The following RGL1 variants were observed in gnomAD, a reference collection of about 807,000 sequenced individuals.
RGL1 encodes ral guanine nucleotide dissociation stimulator-like 1.
In RGL1, 24 loss-of-function variants were observed where a neutral mutation model predicts 95.2. The observed-to-expected ratio is 0.25, with a 90% CI of 0.18 to 0.35. The LOEUF (loss-of-function observed/expected upper bound fraction) is 0.35, where lower values mean the gene tolerates loss of function less well. Among genes scored for constraint, RGL1 ranks in the 10% least tolerant of loss-of-function variants. RGL1 has a pLI of 1.00. For missense variants in RGL1, 715 were observed against 936.3 expected (o/e 0.76, Z 3.08); for synonymous variants, 329 against 344.9 (o/e 0.95, Z 0.51).
chr1:183,820,224 C>T (rs761871797), intron 2 of RGL1, among the ~76,000 whole-genome samples: 4 of 152,128 alleles, frequency 2.6e-5, no homozygotes, highest in Non-Finnish European at 5.9e-5. Flanking sequence ...TAGTTGCAAT[C>T]ATGCTATCTA....
At position 183,805,130 on chromosome 1, in the gene RGL1, T is replaced by TCG; in HGVS notation, c.-162_-161dup. The TCG allele has an allele frequency of 2.4e-6, 2 of 840,878 alleles. No individual in the cohort carries two copies. Among genetic ancestry groups the TCG allele is most frequent in the Non-Finnish European group, 3.2e-6 (2 of 617,124 alleles). The allele number at this position is 840,878 out of a possible 1,614,324, so 52.1% of individuals were successfully genotyped here. On this transcript the variant is annotated 5_prime_UTR_variant, in exon 1 of 18. Transcript: ENST00000360851. ...CGCCGCGCTCCCTTTGTGGCCCGAG[T>TCG]CGCGCGCACCGGCGGCGGCGGGGGC...
At position 183,780,042 on chromosome 1, in the gene RGL1, T is replaced by A. The variant is rs566389954; in HGVS notation, c.133-26333T>A. ...TTTATATAAAATACTTAGTGAGATA[T>A]AAAGGATATAGAATTTGATAAAACT... On this transcript the variant is annotated intron_variant, in intron 2 of 18. Coordinates refer to the RGL1 transcript ENST00000304685. Among the ~76,000 whole-genome samples, 6 of 152,342 alleles carry A rather than the reference T, an allele frequency of 3.9e-5. No homozygotes were observed. In the East Asian group the frequency reaches 5.8e-4, roughly 15 times the overall value.
At chr1:183,783,762 CAGG>C (rs1308504875) in intron 2 of RGL1, among the ~76,000 whole-genome samples, 3 of 152,094 alleles carry the variant, frequency 2.0e-5, no homozygotes, top group Non-Finnish European at 2.9e-5. Context: ...TAATGAGCCA[CAGG>C]AGTTCAGAGG....
chr1:183,713,400 G>C (rs1171535511), intron 1 of RGL1, among the ~76,000 whole-genome samples: 1 of 102,268 alleles, frequency 9.8e-6, no homozygotes, highest in Admixed American at 1.5e-4. Flanking sequence ...CTTTTATAAT[G>C]ACCCTTTTGA....
intron 8 of RGL1, among the ~76,000 whole-genome samples, chr1:183,889,913 A>G (rs956205227): frequency 3.3e-5 from 5 of 152,118 alleles, no homozygotes; most frequent in African/African-American, 1.2e-4. Flanking sequence ...TTTCTTCTCT[A>G]TTTTGAATAA....
chr1:183,648,791 T>C, intron 1 of RGL1: 1 of 1,567,616 alleles, frequency 6.4e-7, no homozygotes, highest in Non-Finnish European at 8.6e-7. Context: ...TTGCTAGATT[T>C]ACTGTCTTCT....
In RGL1 at chr1:183,819,776, A is replaced by G. The variant is rs547346018; in HGVS notation, c.138+13291A>G. ...CCATTCTTAAAAGAGTGTTGAAGCA[A>G]CATTATACTTTTTTTTTTTTTTTTA... On this transcript the variant is annotated intron_variant, in intron 2 of 17. Transcript: ENST00000360851. Among the ~76,000 whole-genome samples, 239 of 148,110 alleles carry G rather than the reference A, an allele frequency of 1.6e-3. 2 individuals carry two copies. The highest frequency in any genetic ancestry group is 5.4e-3 in the African/African-American group (222 of 41,152).
chr1:183,883,287 C>T (rs1246282890), intron 5 of RGL1, among the ~76,000 whole-genome samples: 5 of 152,192 alleles, frequency 3.3e-5, no homozygotes, highest in Non-Finnish European at 5.9e-5. Context: ...TGACTCTGAA[C>T]ATTTTGAGAA....
chr1:183,707,756 G>C (rs544302553), intron 1 of RGL1, among the ~76,000 whole-genome samples: 10 of 152,210 alleles, frequency 6.6e-5, no homozygotes, highest in African/African-American at 2.4e-4. Context: ...ATGGCAGCTG[G>C]GAAGATGGCG....
At position 183,926,470 on chromosome 1, in the gene RGL1, T is replaced by C; in HGVS notation, c.*178T>C. ...GCACCGTGGGGAAACTGGAAATGAA[T>C]TTGACATGAAAAGGATGAACGATTC... On this transcript the variant is annotated 3_prime_UTR_variant, in exon 18 of 18. Coordinates refer to ENST00000360851, the MANE Select transcript of RGL1 (RefSeq NM_001297671.3). 1 of 466,124 alleles carries C rather than the reference T, an allele frequency of 2.1e-6. No homozygotes were observed. Among genetic ancestry groups the C allele is most frequent in the African/African-American group, 2.0e-5 (1 of 50,174 alleles). The allele number at this position is 466,124 out of a possible 1,614,324, so 28.9% of individuals were successfully genotyped here.
At position 183,740,477 on chromosome 1, in the gene RGL1, G is replaced by T. The variant is rs142663076; in HGVS notation, c.-32-1649G>T. 5.3e-5 allele frequency among the ~76,000 whole-genome samples: 8 copies of T among 152,258 alleles called. No homozygotes were observed. The East Asian group carries it at 9.6e-4, about 18-fold the overall frequency. Reference sequence around the variant, plus strand: ...TGCAGATGATGATTTTCTTAAATCCGCTGACCCGTCACGCCTGCCACTCGT... The same window carrying T: ...TGCAGATGATGATTTTCTTAAATCCTCTGACCCGTCACGCCTGCCACTCGT... On this transcript the variant is annotated intron_variant, in intron 1 of 18. Transcript: ENST00000304685.
chr1:183,648,896 T>A, intron 1 of RGL1: 1 of 816,940 alleles, frequency 1.2e-6, no homozygotes, highest in Non-Finnish European at 1.9e-6. Flanking sequence ...ATACTTTCTT[T>A]AAAGGAAGTA....
chr1:183,896,604 T>C (rs1302867811), intron 9 of RGL1, among the ~76,000 whole-genome samples: 2 of 152,180 alleles, frequency 1.3e-5, no homozygotes, highest in Non-Finnish European at 2.9e-5. Flanking sequence ...TCACGTGCTA[T>C]GGTAATACAT....
intron 7 of RGL1, among the ~76,000 whole-genome samples, chr1:183,888,120 T>A (rs577577666): frequency 2.0e-5 from 3 of 152,170 alleles, no homozygotes; most frequent in Admixed American, 2.0e-4. Context: ...AAGTGCATAT[T>A]TTTAGGACAT....
chr1:183,822,244 C>T (rs1022394782), intron 2 of RGL1, among the ~76,000 whole-genome samples: 3 of 151,936 alleles, frequency 2.0e-5, no homozygotes, highest in South Asian at 2.1e-4. Flanking sequence ...GAAATGTAAA[C>T]CATGTGACTA....
intron 9 of RGL1, among the ~76,000 whole-genome samples, chr1:183,895,026 G>T (rs1267091708): frequency 6.6e-6 from 1 of 152,142 alleles, no homozygotes; most frequent in African/African-American, 2.4e-5. Context: ...GCAAATCTTG[G>T]TTCTCATGAT....
At chr1:183,672,130 G>A (rs528097042) in intron 1 of RGL1, among the ~76,000 whole-genome samples, 4 of 151,790 alleles carry the variant, frequency 2.6e-5, no homozygotes, top group South Asian at 2.1e-4. Context: ...ATGGGGTTTC[G>A]CCATGTTGGC....
intron 1 of RGL1, among the ~76,000 whole-genome samples, chr1:183,688,924 GCAGA>G (rs1052434743): frequency 6.6e-5 from 10 of 152,134 alleles, no homozygotes; most frequent in African/African-American, 2.4e-4. Flanking sequence ...TACGAAGCCA[GCAGA>G]CAGAGAAACT....
At chr1:183,745,746 G>A (rs61403011) in intron 2 of RGL1, among the ~76,000 whole-genome samples, 2,042 of 152,148 alleles carry the variant, frequency 0.013, 45 homozygotes, top group African/African-American at 0.047. Flanking sequence ...TTTGGAAACT[G>A]CATTTTCCAT....
Sources: gnomAD v4.1 joint callset for allele counts (sites outside exome capture counted in the v4.1 genomes callset) on GRCh38, gnomAD v4.1.1 for gene constraint, MANE v1.5 for transcripts, NCBI Gene and HGNC (gene_info 2026-07-23, HGNC 2026-07-21) for gene names.